Variants in XKR4 observed in about 807,000 individuals in gnomAD.
XKR4 encodes XK related 4, also known as XK-related protein 4.
In XKR4, 12 loss-of-function variants were observed where a neutral mutation model predicts 53.9. The ratio of observed to expected loss-of-function variants is 0.22; its 90% CI spans 0.14 to 0.36. The LOEUF (loss-of-function observed/expected upper bound fraction) is 0.36, where lower values mean the gene tolerates loss of function less well. Among genes scored for constraint, XKR4 ranks in the 10% least tolerant of loss-of-function variants. XKR4 has a pLI of 1.00. For missense variants in XKR4, 799 were observed against 859.5 expected, an observed-to-expected ratio of 0.93 and a Z score of 0.88; for synonymous variants, 354 against 362.4, an observed-to-expected ratio of 0.98 and a Z score of 0.26.
chr8:55,216,714 C>T (rs1270933505), intron 1 of XKR4, among the ~76,000 whole-genome samples: 6 of 127,392 alleles, frequency 4.7e-5, no homozygotes, highest in East Asian at 2.2e-4. Context: ...GTGATAAGAG[C>T]GAAATTGCAT....
chr8:55,104,352 A>C (rs1327621189), intron 1 of XKR4, among the ~76,000 whole-genome samples: 2 of 152,238 alleles, frequency 1.3e-5, no homozygotes, highest in African/African-American at 4.8e-5. Context: ...CTTAGTAAAC[A>C]GGTGGTATAA....
intron 2 of XKR4, among the ~76,000 whole-genome samples, chr8:55,423,924 G>A (rs762702308): frequency 3.3e-5 from 5 of 152,220 alleles, no homozygotes; most frequent in Non-Finnish European, 7.3e-5. Context: ...CCATGAATCA[G>A]TTCACTTGAA....
intron 2 of XKR4, chr8:55,451,763 T>C (rs1805450953): frequency 9.0e-7 from 1 of 1,106,098 alleles, no homozygotes; most frequent in Non-Finnish European, 1.4e-6. Context: ...CTCAGGCGGC[T>C]GCTCAGGGGG....
Position 55,210,971 on chromosome 8 carries a change from T to C in XKR4, c.806+107677T>C, listed in dbSNP as rs115832673. Reference sequence around the variant, plus strand: ...ATATGTCAGGGGATGAAATTTTCCATTGTGGGCTTGTCTGGGCAAGTATCC... The same window carrying C: ...ATATGTCAGGGGATGAAATTTTCCACTGTGGGCTTGTCTGGGCAAGTATCC... On this transcript the variant is annotated intron_variant, in intron 1 of 2. Transcript: ENST00000327381. Among the ~76,000 whole-genome samples the C allele has an allele frequency of 1.8e-3, 279 of 152,340 alleles. 4 individuals are homozygous for C. Among genetic ancestry groups the C allele is most frequent in the African/African-American group, 6.5e-3 (270 of 41,590 alleles).
At chr8:55,240,863 C>A (rs1818200947) in intron 1 of XKR4, among the ~76,000 whole-genome samples, 1 of 152,144 alleles carries the variant, frequency 6.6e-6, no homozygotes, top group Non-Finnish European at 1.5e-5. Context: ...AGGAAAGCAA[C>A]TCCAATATGA....
chr8:55,211,696 T>G (rs1262723033), intron 1 of XKR4, among the ~76,000 whole-genome samples: 5 of 150,822 alleles, frequency 3.3e-5, no homozygotes, highest in Admixed American at 2.6e-4. Flanking sequence ...TTAAAGTATA[T>G]CCTGCCCAAA....
intron 1 of XKR4, among the ~76,000 whole-genome samples, chr8:55,215,155 A>G (rs1171484498): frequency 6.6e-6 from 1 of 151,746 alleles, no homozygotes; most frequent in Non-Finnish European, 1.5e-5. Flanking sequence ...GAGTATTATC[A>G]CATGTGATAG....
rs1195033466 is a variant in XKR4 at position 55,532,062 on chromosome 8, A to T, written c.*7835A>T. ...TTGTTAAAGATCACTATTAACTTGT[A>T]TAACTAATTTTCCTTATGTGAAATA... On this transcript the variant is annotated 3_prime_UTR_variant, in exon 3 of 3. Coordinates refer to ENST00000327381, the MANE Select transcript of XKR4 (RefSeq NM_052898.2). 1.3e-5 allele frequency: 2 copies of T among 152,238 alleles called. No homozygotes were observed. The highest frequency in any genetic ancestry group is 4.8e-5 in the African/African-American group (2 of 41,466). 9.4% of individuals were successfully genotyped at this position (152,238 alleles called of 1,614,324 possible). A position where few individuals can be genotyped will look rare whatever the true frequency, so the allele number is the denominator to read the frequency against.
intron 2 of XKR4, among the ~76,000 whole-genome samples, chr8:55,455,918 A>C (rs529390976): frequency 3.9e-5 from 6 of 152,318 alleles, no homozygotes; most frequent in African/African-American, 1.4e-4. Flanking sequence ...CAAAGGGACA[A>C]CCTCAATAGC....
chr8:55,150,913 C>T (rs1339711757), intron 1 of XKR4, among the ~76,000 whole-genome samples: 15 of 152,198 alleles, frequency 9.9e-5, no homozygotes, highest in Non-Finnish European at 1.0e-4. Flanking sequence ...ACATTTATGT[C>T]AGCAAGACAG....
chr8:55,240,289 A>G lies in XKR4; in HGVS notation c.807-117389A>G, dbSNP rs1427901791. On this transcript the variant is annotated intron_variant, in intron 1 of 2. Coordinates refer to ENST00000327381, the MANE Select transcript of XKR4 (RefSeq NM_052898.2). ...TATAAAAACACAGATCAAATACATA[A>G]GAAGCTAAATGAAAGATATTAGACA... Among the ~76,000 whole-genome samples the G allele has an allele frequency of 2.0e-5, 3 of 152,252 alleles. No individual in the cohort carries two copies. The East Asian group carries it at 5.8e-4, about 29-fold the overall frequency.
intron 2 of XKR4, among the ~76,000 whole-genome samples, chr8:55,404,448 T>G (rs753972538): frequency 6.6e-6 from 1 of 152,202 alleles, no homozygotes; most frequent in Non-Finnish European, 1.5e-5. Context: ...GCCACCTGTA[T>G]GTTGAACTCC....
chr8:55,314,530 G>A (rs1819436450), intron 1 of XKR4, among the ~76,000 whole-genome samples: 1 of 152,182 alleles, frequency 6.6e-6, no homozygotes, highest in Admixed American at 6.5e-5. Flanking sequence ...GGCCAAATCT[G>A]CTTTGCTATA....
chr8:55,415,371 A>G (rs573575375), intron 2 of XKR4, among the ~76,000 whole-genome samples: 34 of 152,352 alleles, frequency 2.2e-4, no homozygotes, highest in African/African-American at 7.5e-4. Flanking sequence ...TTAATCCATC[A>G]GAAAAACCAT....
At chr8:55,495,133 C>A (rs753962285) in intron 2 of XKR4, among the ~76,000 whole-genome samples, 1 of 152,166 alleles carries the variant, frequency 6.6e-6, no homozygotes. Context: ...AGTGCTGCCT[C>A]GAGCATGTGC....
At position 55,526,353 on chromosome 8, in the gene XKR4, A is replaced by G. The variant is rs989721882; in HGVS notation, c.*2126A>G. ...AGCCCCAAATCAATTTTTTTAAAAA[A>G]TAGACAATTTTTATAAGTAGACATA... On this transcript the variant is annotated 3_prime_UTR_variant, in exon 3 of 3. Transcript: ENST00000327381. The G allele has an allele frequency of 2.0e-5, 3 of 152,214 alleles. No homozygotes were observed. Among genetic ancestry groups the G allele is most frequent in the African/African-American group, 4.8e-5 (2 of 41,464 alleles). 9.4% of individuals were successfully genotyped at this position (152,214 alleles called of 1,614,324 possible). A position where few individuals can be genotyped will look rare whatever the true frequency, so the allele number is the denominator to read the frequency against.
chr8:55,405,597 T>A (rs913591327), intron 2 of XKR4, among the ~76,000 whole-genome samples: 3 of 152,160 alleles, frequency 2.0e-5, no homozygotes, highest in African/African-American at 7.2e-5. Flanking sequence ...CCTGCCCTGA[T>A]TAGCTGGTGA....
chr8:55,194,962 T>A (rs1449914544), intron 1 of XKR4, among the ~76,000 whole-genome samples: 2 of 152,224 alleles, frequency 1.3e-5, no homozygotes, highest in Non-Finnish European at 2.9e-5. Context: ...GATAGATGTC[T>A]ACGTGACTGG....
chr8:55,281,782 A>AT (rs1055943639), intron 1 of XKR4, among the ~76,000 whole-genome samples: 6 of 152,138 alleles, frequency 3.9e-5, no homozygotes, highest in South Asian at 2.1e-4. Context: ...CCTTAGTATG[A>AT]TTTTTTCCCC....
Sources: gnomAD v4.1 joint callset for allele counts (sites outside exome capture counted in the v4.1 genomes callset) on GRCh38, gnomAD v4.1.1 for gene constraint, MANE v1.5 for transcripts, NCBI Gene and HGNC (gene_info 2026-07-23, HGNC 2026-07-21) for gene names.